The following MEGF10 variants were observed in gnomAD, a reference collection of about 807,000 sequenced individuals.
MEGF10 encodes the protein multiple EGF like domains 10, also known as multiple epidermal growth factor-like domains protein 10.
MEGF10 carries 86 observed loss-of-function variants against 147.5 expected under a neutral mutation model. The observed-to-expected ratio is 0.58, with a 90% CI of 0.49 to 0.70. The LOEUF is 0.70. Among genes scored for constraint, MEGF10 ranks in the 30% least tolerant of loss-of-function variants. MEGF10 has a pLI of 0.00. For synonymous variants in MEGF10, 478 were observed against 525.5 expected (o/e 0.91, Z 1.24); for missense variants, 1,329 against 1,487.3 (o/e 0.89, Z 1.75).
At chr5:127,381,270 G>A (rs994817809) in intron 5 of MEGF10, among the ~76,000 whole-genome samples, 9 of 152,178 alleles carry the variant, frequency 5.9e-5, no homozygotes, top group African/African-American at 2.2e-4. Flanking sequence ...ATCACATAGT[G>A]ATGAGTCGAA....
At position 127,339,376 on chromosome 5, in the gene MEGF10, G is replaced by A. The variant is rs17673170; in HGVS notation, c.218+155G>A. Among the ~76,000 whole-genome samples the A allele has an allele frequency of 0.049, 7,422 of 152,230 alleles. 213 individuals are homozygous for A. The highest frequency in any genetic ancestry group is 0.067 in the Non-Finnish European group (4,583 of 67,990). ...ATTTTTGTGCCAAATCACAGGGGAT[G>A]TAGAAAAGCAGAAAGGTAGCCCATG... is the stretch of plus-strand genomic sequence containing the variant. On this transcript the variant is annotated intron_variant, in intron 3 of 24. Coordinates refer to ENST00000503335, the MANE Select transcript of MEGF10 (RefSeq NM_001256545.2).
chr5:127,402,782 T>C lies in MEGF10; in HGVS notation c.917+100T>C, dbSNP rs558277010. ...CTTCAATACCATGTGTCCATGACTC[T>C]TCCATAATATTTCAGAAGTAGCTAT... On this transcript the variant is annotated intron_variant, in intron 8 of 24. Transcript: ENST00000503335. 37 of 1,235,840 alleles carry C rather than the reference T, an allele frequency of 3.0e-5. No homozygotes were observed. The African/African-American group carries it at 5.0e-4, about 17-fold the overall frequency. 76.6% of individuals were successfully genotyped at this position (1,235,840 alleles called of 1,614,324 possible). A position where few individuals can be genotyped will look rare whatever the true frequency, so the allele number is the denominator to read the frequency against.
At chr5:127,442,046 A>G (rs182633692) in intron 18 of MEGF10, among the ~76,000 whole-genome samples, 91 of 152,356 alleles carry the variant, frequency 6.0e-4, no homozygotes, top group Non-Finnish European at 1.1e-3. Flanking sequence ...TATTGTGCAT[A>G]TAAATATTGT....
At chr5:127,400,760 T>A (rs1764095937) in intron 7 of MEGF10, among the ~76,000 whole-genome samples, 2 of 152,200 alleles carry the variant, frequency 1.3e-5, no homozygotes, top group African/African-American at 4.8e-5. Context: ...TCCCAGCACG[T>A]GGACAGATGG....
chr5:127,380,295 C>T (rs1333639830), intron 5 of MEGF10, among the ~76,000 whole-genome samples: 3 of 152,182 alleles, frequency 2.0e-5, no homozygotes, highest in East Asian at 3.9e-4. Context: ...AAGACACTGC[C>T]TCTTCTTTTT....
At position 127,447,552 on chromosome 5, in the gene MEGF10, T is replaced by C. The variant is rs1361493691; in HGVS notation, c.2729-5T>C. The C allele has an allele frequency of 6.2e-7, 1 of 1,614,004 alleles. No individual in the cohort carries two copies. Among genetic ancestry groups the C allele is most frequent in the Non-Finnish European group, 8.5e-7 (1 of 1,179,934 alleles). ...TGCCTTAACCATTTCCTTCCCTTCT[T>C]GCAGGAACCCTTCCTCACAGCAATG... On this transcript the variant is annotated splice_region_variant and splice_polypyrimidine_tract_variant and intron_variant, in intron 20 of 24. Transcript: ENST00000503335.
intron 11 of MEGF10, among the ~76,000 whole-genome samples, chr5:127,419,486 G>C (rs1424890906): frequency 2.6e-5 from 4 of 152,180 alleles, no homozygotes; most frequent in African/African-American, 9.7e-5. Context: ...CTTTTGGGAA[G>C]AGTAAACAAG....
chr5:127,414,757 C>T (rs750245070), intron 9 of MEGF10, among the ~76,000 whole-genome samples: 3 of 152,108 alleles, frequency 2.0e-5, no homozygotes, highest in Admixed American at 6.6e-5. Flanking sequence ...CTACCATGTG[C>T]CCGTGAAAGG....
At chr5:127,342,323 T>A (rs1761713608) in intron 4 of MEGF10, among the ~76,000 whole-genome samples, 1 of 152,150 alleles carries the variant, frequency 6.6e-6, no homozygotes, top group African/African-American at 2.4e-5. Context: ...GGGTTCAACC[T>A]TACAAGCACA....
chr5:127,367,440 G>A (rs778567523), intron 4 of MEGF10, among the ~76,000 whole-genome samples: 30 of 152,086 alleles, frequency 2.0e-4, no homozygotes, highest in Admixed American at 1.8e-3. Flanking sequence ...TTACATAGAT[G>A]CCCAAGATAT....
At position 127,457,414 on chromosome 5, in the gene MEGF10, G is replaced by A. The variant is rs1561659577; in HGVS notation, c.*96G>A. 1 of 1,346,542 alleles carries A rather than the reference G, an allele frequency of 7.4e-7. No individual in the cohort carries two copies. Among genetic ancestry groups the A allele is most frequent in the Non-Finnish European group, 9.9e-7 (1 of 1,006,686 alleles). The allele number at this position is 1,346,542 out of a possible 1,614,324, so 83.4% of individuals were successfully genotyped here. A position where few individuals can be genotyped will look rare whatever the true frequency, so the allele number is the denominator to read the frequency against. ...TTTTGCCACTTTCATGTGAATGTTA[G>A]TCAATTCGGTGGGCAATTTTTGGAC... On this transcript the variant is annotated 3_prime_UTR_variant, in exon 25 of 25. Coordinates refer to ENST00000503335, the MANE Select transcript of MEGF10 (RefSeq NM_001256545.2).
chr5:127,378,659 C>T (rs1763125871), intron 5 of MEGF10, among the ~76,000 whole-genome samples: 1 of 152,096 alleles, frequency 6.6e-6, no homozygotes, highest in East Asian at 1.9e-4. Flanking sequence ...CCCCATGTCT[C>T]CCATGCAGGT....
chr5:127,446,344 C>G (rs1039976760), intron 20 of MEGF10, among the ~76,000 whole-genome samples: 1 of 152,016 alleles, frequency 6.6e-6, no homozygotes, highest in African/African-American at 2.4e-5. Context: ...TTATTGAAGG[C>G]CTTCTGGTTG....
At chr5:127,329,065 G>A (rs756346065) in intron 1 of MEGF10, among the ~76,000 whole-genome samples, 9 of 151,996 alleles carry the variant, frequency 5.9e-5, no homozygotes, top group Non-Finnish European at 1.0e-4. Flanking sequence ...CACAGTAATC[G>A]GTCAGGAAAT....
intron 17 of MEGF10, 113 bp downstream of exon 17, chr5:127,438,680 C>T: frequency 1.8e-6 from 2 of 1,083,562 alleles, no homozygotes; most frequent in Non-Finnish European, 2.7e-6. Context: ...GGTTGGAGTA[C>T]TTCCCTCTCC....
chr5:127,311,865 G>A (rs1286345536), intron 1 of MEGF10, among the ~76,000 whole-genome samples: 2 of 152,152 alleles, frequency 1.3e-5, no homozygotes, highest in Non-Finnish European at 2.9e-5. Context: ...ATCTCGTTTG[G>A]TGATGGTCTT....
intron 22 of MEGF10, among the ~76,000 whole-genome samples, chr5:127,453,868 G>A (rs776402840): frequency 1.3e-5 from 2 of 152,182 alleles, no homozygotes; most frequent in Non-Finnish European, 2.9e-5. Context: ...ATTGATTTCT[G>A]TAAGTGGTTG....
chr5:127,443,579 GCC>G (rs1765836211), intron 19 of MEGF10, among the ~76,000 whole-genome samples: 1 of 152,034 alleles, frequency 6.6e-6, no homozygotes, highest in African/African-American at 2.4e-5. Context: ...GTTTCCTCAT[GCC>G]CCTCCCTACT....
intron 4 of MEGF10, among the ~76,000 whole-genome samples, chr5:127,348,191 A>G (rs27652): frequency 0.43 from 64,711 of 151,842 alleles, 14,244 homozygotes; most frequent in Non-Finnish European, 0.49. Flanking sequence ...ACCATGATCC[A>G]TTTGCTTATA....
Sources: gnomAD v4.1 joint callset for allele counts (sites outside exome capture counted in the v4.1 genomes callset) on GRCh38, gnomAD v4.1.1 for gene constraint, MANE v1.5 for transcripts, NCBI Gene and HGNC (gene_info 2026-07-23, HGNC 2026-07-21) for gene names.